Variants in SLC7A14 observed in about 807,000 individuals in gnomAD.
SLC7A14 encodes the protein gamma-aminobutyric acid transporter SLC7A14.
Under a neutral mutation model 60.2 loss-of-function variants are expected in SLC7A14, and 37 were observed. The ratio of observed to expected loss-of-function variants is 0.61; its 90% CI spans 0.47 to 0.81. The LOEUF is 0.81. SLC7A14 is among the 30% of genes least tolerant of loss of function. The pLI, the probability that SLC7A14 is intolerant of heterozygous loss-of-function variation, is 0.00. For synonymous variants in SLC7A14, 399 were observed against 395.8 expected (o/e 1.01, Z -0.10); for missense variants, 886 against 982.7 (o/e 0.90, Z 1.32).
intron 1 of SLC7A14, among the ~76,000 whole-genome samples, chr3:170,556,754 G>T (rs988446695): frequency 6.6e-6 from 1 of 152,130 alleles, no homozygotes; most frequent in Non-Finnish European, 1.5e-5. Flanking sequence ...CCCTATTTAG[G>T]CATTCCTCAG....
chr3:170,539,081 A>G (rs893139781), intron 1 of SLC7A14, among the ~76,000 whole-genome samples: 2 of 152,238 alleles, frequency 1.3e-5, no homozygotes, highest in Non-Finnish European at 2.9e-5. Flanking sequence ...TGTATCGCAA[A>G]TGAAATGAAA....
At chr3:170,518,276 GTTTTC>G (rs1661028495) in intron 2 of SLC7A14, among the ~76,000 whole-genome samples, 1 of 152,198 alleles carries the variant, frequency 6.6e-6, no homozygotes, top group Non-Finnish European at 1.5e-5. Flanking sequence ...CTTCGCTAGA[GTTTTC>G]TGATTCTACT....
At chr3:170,504,320 A>C (rs910240006) in intron 2 of SLC7A14, among the ~76,000 whole-genome samples, 1 of 151,904 alleles carries the variant, frequency 6.6e-6, no homozygotes, top group African/African-American at 2.4e-5. Flanking sequence ...TTATTTTTTT[A>C]ATTTTTTTTA....
chr3:170,498,370 T>C (rs868826517), intron 4 of SLC7A14, among the ~76,000 whole-genome samples: 1 of 152,118 alleles, frequency 6.6e-6, no homozygotes, highest in African/African-American at 2.4e-5. Flanking sequence ...TTAAATGAGA[T>C]AGTACGTGCA....
chr3:170,554,686 C>A (rs1404477056), intron 1 of SLC7A14, among the ~76,000 whole-genome samples: 1 of 152,240 alleles, frequency 6.6e-6, no homozygotes, highest in Non-Finnish European at 1.5e-5. Flanking sequence ...AGATGTTCCT[C>A]CTAAAGCCCA....
chr3:170,494,813 G>A (rs996288076), intron 4 of SLC7A14, among the ~76,000 whole-genome samples: 4 of 152,200 alleles, frequency 2.6e-5, no homozygotes, highest in Non-Finnish European at 5.9e-5. Flanking sequence ...CATCATGAAA[G>A]TTTAAAGGAA....
At chr3:170,551,450 A>C (rs564674164) in intron 1 of SLC7A14, among the ~76,000 whole-genome samples, 1 of 152,116 alleles carries the variant, frequency 6.6e-6, no homozygotes, top group Non-Finnish European at 1.5e-5. Context: ...ATGGCATCTC[A>C]ATGTTTAACA....
intron 1 of SLC7A14, among the ~76,000 whole-genome samples, chr3:170,577,245 G>A (rs915030368): frequency 6.6e-6 from 1 of 152,206 alleles, no homozygotes; most frequent in African/African-American, 2.4e-5. Flanking sequence ...AAGTGTCACA[G>A]GTAGTACATT....
intron 1 of SLC7A14, among the ~76,000 whole-genome samples, chr3:170,531,514 CT>C (rs113060157): frequency 0.015 from 2,278 of 152,268 alleles, 50 homozygotes; most frequent in African/African-American, 0.051. Context: ...AGAATGCCCC[CT>C]GGTCCTATTC....
intron 1 of SLC7A14, among the ~76,000 whole-genome samples, chr3:170,545,023 G>GAACT (rs2108302015): frequency 6.6e-6 from 1 of 152,316 alleles, no homozygotes; most frequent in South Asian, 2.1e-4. Context: ...TGCAACTGAA[G>GAACT]AACTGAATTT....
intron 7 of SLC7A14, among the ~76,000 whole-genome samples, chr3:170,474,025 C>T (rs1428945059): frequency 6.6e-6 from 1 of 152,178 alleles, no homozygotes; most frequent in African/African-American, 2.4e-5. Flanking sequence ...CCACCAAAAA[C>T]ATGTACAAGA....
rs755941219 is a variant in SLC7A14, at chr3:170,498,814, A to G, written c.612T>C (p.Ala204=). 5 of 1,614,176 alleles carry G rather than the reference A, an allele frequency of 3.1e-6. No homozygotes were observed. The South Asian group carries it at 4.4e-5, about 14-fold the overall frequency. ...AGCCTATGGAATTCTTCACCCCCAG[A>G]GCAACAATGATGGTCACGATGACCG... ...LIAVIVTIIV[A]LGVKNSIGFN... The change falls in exon 4 of 8, where the codon GCT becomes GCC. Residue 204 remains alanine (A), a synonymous_variant. Coordinates refer to ENST00000231706, the MANE Select transcript of SLC7A14 (RefSeq NM_020949.3).
rs1713717635 is a variant in SLC7A14 at position 170,532,720 on chromosome 3, C to G, written c.-152-5632G>C. Among the ~76,000 whole-genome samples, 1 of 151,918 alleles carries G rather than the reference C, an allele frequency of 6.6e-6. No individual in the cohort carries two copies. The highest frequency in any genetic ancestry group is 2.4e-5 in the African/African-American group (1 of 41,332). The stretch of plus-strand genomic sequence containing the variant: ...TTCCCTGCTACTGACACCCTTCCCA[C>G]CACCTTCACCTCCTTAGGCAGCTCT... On this transcript the variant is annotated intron_variant, in intron 1 of 7. Coordinates refer to ENST00000231706, the MANE Select transcript of SLC7A14 (RefSeq NM_020949.3). The surrounding 1 kb of genome is among the most constrained non-coding windows in gnomAD (Gnocchi z 4.0).
In SLC7A14 at chr3:170,515,320, C is replaced by T. The variant is rs953858328; in HGVS notation, c.304+11313G>A. ...AGAGTGAGACTCTGTCCGCCCCCCC[C>T]AAAAAAAAAATATATATATATGTAT... On this transcript the variant is annotated intron_variant, in intron 2 of 7. Coordinates refer to ENST00000231706, the MANE Select transcript of SLC7A14 (RefSeq NM_020949.3). Among the ~76,000 whole-genome samples, 9 of 124,740 alleles carry T rather than the reference C, an allele frequency of 7.2e-5. No individual in the cohort carries two copies. The South Asian group carries it at 2.4e-3, about 33-fold the overall frequency. 81.8% of individuals were successfully genotyped at this position (124,740 alleles called of 152,430 possible). A position where few individuals can be genotyped will look rare whatever the true frequency, so the allele number is the denominator to read the frequency against.
At chr3:170,552,006 T>C (rs1014898777) in intron 1 of SLC7A14, among the ~76,000 whole-genome samples, 1 of 152,220 alleles carries the variant, frequency 6.6e-6, no homozygotes, top group African/African-American at 2.4e-5. Context: ...TTACAAAGAC[T>C]TATGACTATA....
intron 1 of SLC7A14, among the ~76,000 whole-genome samples, chr3:170,537,782 C>T (rs1275513930): frequency 6.6e-6 from 1 of 152,116 alleles, no homozygotes; most frequent in Non-Finnish European, 1.5e-5. Flanking sequence ...CAAGTGATGG[C>T]AGGTGTCCTG....
rs143539819 is a variant in SLC7A14, at chr3:170,483,478, G to A, written c.951C>T (p.Asp317=). The A allele has an allele frequency of 2.3e-5, 37 of 1,614,074 alleles. No individual in the cohort carries two copies. The highest frequency in any genetic ancestry group is 3.1e-5 in the Non-Finnish European group (36 of 1,180,042). ...ACATCTCCATGAGTGGGGATTCCGT[G>A]TCAATGGTATAATATGGCACCATCA... ...LTLMVPYYTI[D]TESPLMEMFV... Residue 317 remains aspartate, a synonymous_variant, in exon 6 of 8, where the codon GAC becomes GAT. Coordinates refer to ENST00000231706, the MANE Select transcript of SLC7A14 (RefSeq NM_020949.3).
At chr3:170,526,274 C>T (rs953406748) in intron 2 of SLC7A14, among the ~76,000 whole-genome samples, 2 of 151,214 alleles carry the variant, frequency 1.3e-5, no homozygotes, top group African/African-American at 4.9e-5. Context: ...TGGTGGCGGG[C>T]GCCTATAATC....
In SLC7A14 at chr3:170,585,212, CT is replaced by C. The variant is rs1205972177; in HGVS notation, c.-153+698del. Among the ~76,000 whole-genome samples the C allele has an allele frequency of 6.6e-6, 1 of 152,124 alleles. No homozygotes were observed. The highest frequency in any genetic ancestry group is 2.4e-5 in the African/African-American group (1 of 41,444). ...GTTGAAGCAGTGCAGGAGAGCTCCC[CT>C]TGCTGGGGCTGCCGGCTCTGGGCAG... On this transcript the variant is annotated intron_variant, in intron 1 of 7. Transcript: ENST00000231706. This position sits in a 1 kb window ranked among gnomAD's most constrained non-coding sequence, Gnocchi z 5.1.
Sources: gnomAD v4.1 joint callset for allele counts (sites outside exome capture counted in the v4.1 genomes callset) on GRCh38, gnomAD v4.1.1 for gene constraint, Gnocchi (gnomAD v3.1) non-coding constraint, MANE v1.5 for transcripts, NCBI Gene and HGNC (gene_info 2026-07-23, HGNC 2026-07-21) for gene names.